The following R3HCC1L variants were observed in gnomAD, a reference collection of about 807,000 sequenced individuals.
R3HCC1L encodes the protein coiled-coil domain-containing protein R3HCC1L.
Under a neutral mutation model 59.9 loss-of-function variants are expected in R3HCC1L, and 51 were observed. The ratio of observed to expected loss-of-function variants is 0.85; its 90% CI spans 0.68 to 1.07. The LOEUF (loss-of-function observed/expected upper bound fraction) is 1.07, where lower values mean the gene tolerates loss of function less well. Among genes scored for constraint, R3HCC1L ranks in the 50% least tolerant of loss-of-function variants. R3HCC1L has a pLI of 0.00. For synonymous variants in R3HCC1L, 322 were observed against 315.2 expected (o/e 1.02, Z -0.23); for missense variants, 965 against 933.0 (o/e 1.03, Z -0.45).
At position 98,163,452 on chromosome 10, in the gene R3HCC1L, A is replaced by G. The variant is rs1233204618; in HGVS notation, c.-15+55A>G. On this transcript the variant is annotated intron_variant, in intron 4 of 9. Coordinates refer to ENST00000298999, the MANE Select transcript of R3HCC1L (RefSeq NM_001351015.2). ...TAGAAATACTGTCTGTTTACTCTAAAGATTTGTTTGCTTGTATTTTGTTTC... is the reference window on the plus strand; with the variant it reads ...TAGAAATACTGTCTGTTTACTCTAAGGATTTGTTTGCTTGTATTTTGTTTC... 7 of 1,091,394 alleles carry G rather than the reference A, an allele frequency of 6.4e-6. No individual in the cohort carries two copies. In the South Asian group the frequency reaches 1.4e-4, roughly 22 times the overall value. 67.6% of individuals were successfully genotyped at this position (1,091,394 alleles called of 1,614,324 possible). A position where few individuals can be genotyped will look rare whatever the true frequency, so the allele number is the denominator to read the frequency against.
rs71007380 is a variant in R3HCC1L, at chr10:98,183,958, G to GTTTTTTTTTT, written c.-15+20567_-15+20576dup. ...TTTTTTTTTCTTTGCTCCTTTTTCG[G>GTTTTTTTTTT]TTTTTTTTTTTTTTTGGTTGAAATC... is the stretch of plus-strand genomic sequence containing the variant. On this transcript the variant is annotated intron_variant, in intron 4 of 9. Coordinates refer to ENST00000298999, the MANE Select transcript of R3HCC1L (RefSeq NM_001351015.2). 5.2e-4 allele frequency among the ~76,000 whole-genome samples: 66 copies of GTTTTTTTTTT among 126,536 alleles called. 1 individual carries two copies. Among genetic ancestry groups the GTTTTTTTTTT allele is most frequent in the Non-Finnish European group, 7.2e-4 (44 of 60,946 alleles). The allele number at this position is 126,536 out of a possible 152,430, so 83.0% of individuals were successfully genotyped here.
At chr10:98,213,602 TAAAC>T (rs1853834036) in intron 5 of R3HCC1L, among the ~76,000 whole-genome samples, 1 of 152,154 alleles carries the variant, frequency 6.6e-6, no homozygotes, top group Non-Finnish European at 1.5e-5. Flanking sequence ...GCTATAGAAT[TAAAC>T]AAGAGATTAT....
At chr10:98,233,437 A>G (rs1285487559) in intron 6 of R3HCC1L, among the ~76,000 whole-genome samples, 2 of 152,232 alleles carry the variant, frequency 1.3e-5, no homozygotes, top group African/African-American at 4.8e-5. Flanking sequence ...AAAAGTAATG[A>G]ACACCATTAA....
chr10:98,156,180 T>C (rs981415506), intron 2 of R3HCC1L, 33 bp downstream of exon 2: 1 of 152,190 alleles, frequency 6.6e-6, no homozygotes, highest in Non-Finnish European at 1.5e-5. Flanking sequence ...TCCTTAGATT[T>C]TTCTCTCCTG....
intron 6 of R3HCC1L, 91 bp from the exon 7 acceptor site, chr10:98,234,355 C>G: frequency 8.5e-7 from 1 of 1,174,852 alleles, no homozygotes; most frequent in East Asian, 2.5e-5. Flanking sequence ...GTGTTTCTAT[C>G]TTGTGAAATG....
intron 5 of R3HCC1L, among the ~76,000 whole-genome samples, chr10:98,228,016 A>G (rs1452825751): frequency 1.3e-5 from 2 of 152,022 alleles, no homozygotes; most frequent in African/African-American, 2.4e-5. Context: ...AGTCTTTCCT[A>G]TTGTGAAAAG....
At chr10:98,190,735 T>C (rs753957180) in intron 4 of R3HCC1L, among the ~76,000 whole-genome samples, 4 of 152,152 alleles carry the variant, frequency 2.6e-5, no homozygotes, top group Non-Finnish European at 2.9e-5. Flanking sequence ...GCATGTGCCA[T>C]GTTGGTTTGC....
At chr10:98,176,914 A>G (rs1178153560) in intron 4 of R3HCC1L, among the ~76,000 whole-genome samples, 1 of 151,942 alleles carries the variant, frequency 6.6e-6, no homozygotes, top group Non-Finnish European at 1.5e-5. Context: ...TACTGGATGG[A>G]TGTTGAATTT....
Position 98,209,319 on chromosome 10 carries a change from C to T in R3HCC1L, c.1205C>T (p.Ala402Val), listed in dbSNP as rs35200917. ...DSPYVVAVRI[A>V]DETSINTRSF... is the part of the protein sequence containing the mutation. ...CCTTATGTAGTTGCAGTTAGAATAG[C>T]TGATGAGACCTCTATTAATACACGA... Residue 402 changes from alanine to valine, a missense_variant, in exon 5 of 10, where the codon GCT (alanine) becomes GTT (valine). Physicochemically the swap from Ala to Val is moderately conservative, Grantham distance 64. Transcript: ENST00000298999. 1.4e-3 allele frequency: 2,324 copies of T among 1,613,910 alleles called. 24 individuals are homozygous for T. In the African/African-American group the frequency reaches 0.027, roughly 19 times the overall value.
chr10:98,179,801 T>C (rs1189134638), intron 4 of R3HCC1L, among the ~76,000 whole-genome samples: 1 of 152,194 alleles, frequency 6.6e-6, no homozygotes, highest in Non-Finnish European at 1.5e-5. Flanking sequence ...GGAGGGTGTA[T>C]ATGTCCAGGA....
intron 4 of R3HCC1L, among the ~76,000 whole-genome samples, chr10:98,207,206 T>A (rs1852789041): frequency 6.6e-6 from 1 of 152,236 alleles, no homozygotes; most frequent in Non-Finnish European, 1.5e-5. Context: ...ACCTCCTTAT[T>A]CTCTTTGTCC....
chr10:98,232,928 C>A (rs917316718), intron 6 of R3HCC1L, among the ~76,000 whole-genome samples: 1 of 152,036 alleles, frequency 6.6e-6, no homozygotes, highest in Non-Finnish European at 1.5e-5. Flanking sequence ...AAACTTAATT[C>A]GGTGGGGAGC....
intron 4 of R3HCC1L, among the ~76,000 whole-genome samples, chr10:98,165,539 G>A (rs911927219): frequency 2.0e-5 from 3 of 152,172 alleles, no homozygotes; most frequent in African/African-American, 4.8e-5. Flanking sequence ...GATTTGATAC[G>A]TATGCTATCC....
At position 98,209,741 on chromosome 10, in the gene R3HCC1L, G is replaced by GT. The variant is rs772821159; in HGVS notation, c.1628dup (p.Ser544IlefsTer4). The GT allele has an allele frequency of 1.9e-6, 3 of 1,613,894 alleles. No individual in the cohort carries two copies. Among genetic ancestry groups the GT allele is most frequent in the Non-Finnish European group, 2.5e-6 (3 of 1,179,878 alleles). Reference sequence around the variant, plus strand: ...TGACTCAGGGAGTATAGAATTTGGTGTATCTTTTCCTGATAGGGAATCATC... The same window carrying GT: ...TGACTCAGGGAGTATAGAATTTGGTGTTATCTTTTCCTGATAGGGAATCATC... On this transcript the variant is annotated frameshift_variant, in exon 5 of 10. Coordinates refer to ENST00000298999, the MANE Select transcript of R3HCC1L (RefSeq NM_001351015.2). LOFTEE classifies it high-confidence loss of function.
rs1188392662 is a variant in R3HCC1L, at chr10:98,208,478, C to T, written c.364C>T (p.Gln122Ter). 3 of 1,614,168 alleles carry T rather than the reference C, an allele frequency of 1.9e-6. No homozygotes were observed. Among genetic ancestry groups the T allele is most frequent in the Non-Finnish European group, 2.5e-6 (3 of 1,180,014 alleles). ...CAAAGAAGTATTATCCCAAGGACAACAGCAGGGAGCCCCAAATGCTGGGGT... is the reference window on the plus strand; with the variant it reads ...CAAAGAAGTATTATCCCAAGGACAATAGCAGGGAGCCCCAAATGCTGGGGT... Reference protein sequence around the residue: ...ESKEVLSQGQQQGAPNAGVIT... With the variant: ...ESKEVLSQGQ The change falls in exon 5 of 10, where the codon CAG becomes TAG. Residue 122 changes from glutamine to a stop codon, truncating the protein, a stop_gained. Transcript: ENST00000298999. LOFTEE classifies it high-confidence loss of function.
At chr10:98,190,860 G>A (rs535623675) in intron 4 of R3HCC1L, among the ~76,000 whole-genome samples, 1 of 147,082 alleles carries the variant, frequency 6.8e-6, no homozygotes, top group Non-Finnish European at 1.5e-5. Flanking sequence ...GTGTCCAAGT[G>A]ATCTCATTGT....
chr10:98,221,589 C>G lies in R3HCC1L; in HGVS notation c.1786-9923C>G, dbSNP rs552906952. On this transcript the variant is annotated intron_variant, in intron 5 of 9. Transcript: ENST00000298999. ...AAGGAAGGGATCCAGTTTCAGCTTT[C>G]TACATATGGCTAGCCAGTTTTCCCA... Among the ~76,000 whole-genome samples the G allele has an allele frequency of 1.8e-4, 28 of 151,490 alleles. 1 individual carries two copies. The South Asian group carries it at 5.9e-3, about 32-fold the overall frequency.
In R3HCC1L at chr10:98,231,653, A is replaced by G. The variant is rs1161262555; in HGVS notation, c.1927A>G (p.Thr643Ala). 1.2e-6 allele frequency: 2 copies of G among 1,611,916 alleles called. No homozygotes were observed. The highest frequency in any genetic ancestry group is 1.1e-5 in the South Asian group (1 of 90,838). Residue 643 changes from threonine to alanine, a missense_variant, in exon 6 of 10, where the codon ACT becomes GCT. Thr to Ala is a moderately conservative substitution (Grantham distance 58, BLOSUM62 0). Coordinates refer to ENST00000298999, the MANE Select transcript of R3HCC1L (RefSeq NM_001351015.2). Reference sequence around the variant, plus strand: ...TTATGACTTTCCCCAAGAATTTCATACTGAAGACCTTCTACGGGTTTTCTG... The same window carrying G: ...TTATGACTTTCCCCAAGAATTTCATGCTGAAGACCTTCTACGGGTTTTCTG... ...EIYDFPQEFH[T>A]EDLLRVFCSY... is the part of the protein sequence containing the mutation.
chr10:98,233,428 A>T (rs1232667356), intron 6 of R3HCC1L, among the ~76,000 whole-genome samples: 3 of 152,228 alleles, frequency 2.0e-5, no homozygotes, highest in African/African-American at 7.2e-5. Context: ...ATTAATAATA[A>T]AAGTAATGAA....
Sources: allele counts gnomAD v4.1 joint callset (sites outside exome capture counted in the v4.1 genomes callset), GRCh38; gene constraint gnomAD v4.1.1; transcripts MANE v1.5; gene names NCBI Gene and HGNC (gene_info 2026-07-23, HGNC 2026-07-21).